Variants in ZNF385D observed in about 807,000 individuals in gnomAD.
ZNF385D encodes zinc finger protein 385D, also known as zinc finger protein 659.
In ZNF385D, 15 loss-of-function variants were observed where a neutral mutation model predicts 35.8. That is an observed-to-expected ratio of 0.42 (90% confidence interval 0.28 to 0.64). ZNF385D has a LOEUF of 0.64. ZNF385D is among the 30% of genes least tolerant of loss of function. The pLI, the probability that ZNF385D is intolerant of heterozygous loss-of-function variation, is 0.23. For synonymous variants in ZNF385D, 212 were observed against 186.8 expected, an observed-to-expected ratio of 1.13 and a Z score of -1.10; for missense variants, 474 against 494.6, an observed-to-expected ratio of 0.96 and a Z score of 0.39.
chr3:22,073,808 A>T (rs1700339651), intron 3 of ZNF385D, among the ~76,000 whole-genome samples: 1 of 151,928 alleles, frequency 6.6e-6, no homozygotes, highest in Non-Finnish European at 1.5e-5. Flanking sequence ...TTAGAATTTT[A>T]AAAAATACAG....
chr3:22,089,165 C>T (rs1181378855), intron 3 of ZNF385D, among the ~76,000 whole-genome samples: 1 of 152,096 alleles, frequency 6.6e-6, no homozygotes, highest in African/African-American at 2.4e-5. Flanking sequence ...GAAGGCATGG[C>T]AGATATGCTT....
intron 1 of ZNF385D, among the ~76,000 whole-genome samples, chr3:21,733,732 G>C (rs995457647): frequency 2.6e-5 from 4 of 151,928 alleles, no homozygotes; most frequent in African/African-American, 9.7e-5. Flanking sequence ...TTTTATGTTT[G>C]AATCTTTGTT....
intron 3 of ZNF385D, among the ~76,000 whole-genome samples, chr3:22,085,861 C>T (rs1188097991): frequency 2.6e-5 from 4 of 152,186 alleles, no homozygotes; most frequent in Non-Finnish European, 5.9e-5. Context: ...CCACCATGAT[C>T]AAGTCAGCTT....
intron 4 of ZNF385D, 36 bp downstream of exon 4, chr3:21,510,825 C>G: frequency 6.2e-7 from 1 of 1,609,360 alleles, no homozygotes; most frequent in Non-Finnish European, 8.5e-7. Flanking sequence ...CCAACGACGA[C>G]GACGAGGACA....
chr3:21,804,420 G>GA (rs1284404472), intron 3 of ZNF385D, among the ~76,000 whole-genome samples: 3 of 152,148 alleles, frequency 2.0e-5, no homozygotes, highest in African/African-American at 7.2e-5. Flanking sequence ...TTAATCACGT[G>GA]AAAAATTGAG....
rs1225943644 is a variant in ZNF385D, at chr3:21,418,617, T to C, written c.*2597A>G. ...GATTCGTTTGTTCCCAGCAAATCAT[T>C]AAAGACAGTAATGCCTTGTGACCCA... On this transcript the variant is annotated 3_prime_UTR_variant, in exon 8 of 8. Transcript: ENST00000281523. The C allele has an allele frequency of 1.3e-5, 2 of 152,198 alleles. No individual in the cohort carries two copies. Among genetic ancestry groups the C allele is most frequent in the African/African-American group, 4.8e-5 (2 of 41,456 alleles). 9.4% of individuals were successfully genotyped at this position (152,198 alleles called of 1,614,324 possible). A position where few individuals can be genotyped will look rare whatever the true frequency, so the allele number is the denominator to read the frequency against.
rs115573643 is a variant in ZNF385D at position 21,710,620 on chromosome 3, A to G, written c.22+40275T>C. The stretch of plus-strand genomic sequence containing the variant: ...TCAGCTTTGATGCTCAGTTGTTTTT[A>G]CTTATACTCATGCATGTTTGGGACA... On this transcript the variant is annotated intron_variant, in intron 1 of 7. Transcript: ENST00000281523. Among the ~76,000 whole-genome samples, 1,450 of 152,280 alleles carry G rather than the reference A, an allele frequency of 9.5e-3. 31 individuals carry two copies. The highest frequency in any genetic ancestry group is 0.033 in the African/African-American group (1,369 of 41,542).
chr3:22,331,519 TA>T (rs1469561048), intron 2 of ZNF385D, among the ~76,000 whole-genome samples: 2 of 152,192 alleles, frequency 1.3e-5, no homozygotes, highest in Non-Finnish European at 2.9e-5. Context: ...CGCATACTCG[TA>T]AAACACTGCA....
At chr3:22,189,565 G>A (rs1407010884) in intron 2 of ZNF385D, among the ~76,000 whole-genome samples, 1 of 152,076 alleles carries the variant, frequency 6.6e-6, no homozygotes, top group Non-Finnish European at 1.5e-5. Context: ...AAAAAGGAAG[G>A]TTCAATATTA....
At position 21,910,084 on chromosome 3, in the gene ZNF385D, T is replaced by TACACACACACACACACACACACAC. The variant is rs112815077; in HGVS notation, c.326-245057_326-245056insGTGTGTGTGTGTGTGTGTGTGTGT. Among the ~76,000 whole-genome samples, 772 of 149,310 alleles carry TACACACACACACACACACACACAC rather than the reference T, an allele frequency of 5.2e-3. 6 individuals are homozygous for TACACACACACACACACACACACAC. Among genetic ancestry groups the TACACACACACACACACACACACAC allele is most frequent in the South Asian group, 0.012 (58 of 4,668 alleles). ...TTAGCTGTGGGTTAAACATATATTT[T>TACACACACACACACACACACACAC]ACACACACACACACACACACACAGA... is the stretch of plus-strand genomic sequence containing the variant. On this transcript the variant is annotated intron_variant, in intron 3 of 5. Coordinates refer to the ZNF385D transcript ENST00000494108.
intron 2 of ZNF385D, among the ~76,000 whole-genome samples, chr3:21,603,661 C>T (rs2064387606): frequency 6.6e-6 from 1 of 151,858 alleles, no homozygotes; most frequent in Admixed American, 6.6e-5. Context: ...TTTGTATGCC[C>T]TTATATACAT....
chr3:22,043,165 A>C (rs1208425075), intron 3 of ZNF385D, among the ~76,000 whole-genome samples: 1 of 152,188 alleles, frequency 6.6e-6, no homozygotes, highest in Non-Finnish European at 1.5e-5. Context: ...ATTTATCCCT[A>C]ATGTTAAGAA....
intron 2 of ZNF385D, among the ~76,000 whole-genome samples, chr3:22,236,525 C>T (rs891728389): frequency 1.3e-5 from 2 of 152,040 alleles, no homozygotes; most frequent in East Asian, 1.9e-4. Flanking sequence ...CAGTATTATG[C>T]CTGTCTAAAT....
At chr3:21,772,363 ACTC>A (rs2071113116) in intron 3 of ZNF385D, among the ~76,000 whole-genome samples, 1 of 147,338 alleles carries the variant, frequency 6.8e-6, no homozygotes, top group Non-Finnish European at 1.5e-5. Flanking sequence ...TATAGAGAGA[ACTC>A]CTAAAACTTA....
chr3:21,521,206 A>G (rs903432239), intron 3 of ZNF385D, among the ~76,000 whole-genome samples: 1 of 152,228 alleles, frequency 6.6e-6, no homozygotes, highest in African/African-American at 2.4e-5. Context: ...ATGTTTTGCC[A>G]GTGTTAGAAT....
At chr3:21,995,249 G>T (rs1386143762) in intron 3 of ZNF385D, among the ~76,000 whole-genome samples, 6 of 152,318 alleles carry the variant, frequency 3.9e-5, no homozygotes, top group East Asian at 3.9e-4. Flanking sequence ...TTGTGTCAGG[G>T]TGGCCAAGAA....
intron 4 of ZNF385D, among the ~76,000 whole-genome samples, chr3:21,458,814 TG>T (rs1553586461): frequency 5.5e-5 from 3 of 54,196 alleles, no homozygotes; most frequent in African/African-American, 1.7e-4. Flanking sequence ...TAATGCGGGG[TG>T]GGGGGGCGGG....
chr3:22,023,563 T>A (rs551017905), intron 3 of ZNF385D, among the ~76,000 whole-genome samples: 8 of 152,226 alleles, frequency 5.3e-5, no homozygotes, highest in African/African-American at 1.9e-4. Flanking sequence ...CACATTTAGA[T>A]AAATTACAAA....
Position 22,117,093 on chromosome 3 carries a change from C to A in ZNF385D, c.325+51724G>T, listed in dbSNP as rs1702851287. ...ACCCCAAATTCAGGCTTTGAGATGC[C>A]AGGCTTTAGGAGTTCCCACTGGTGA... is the stretch of plus-strand genomic sequence containing the variant. On this transcript the variant is annotated intron_variant, in intron 3 of 5. Transcript: ENST00000494108. 3.9e-5 allele frequency among the ~76,000 whole-genome samples: 6 copies of A among 152,084 alleles called. No homozygotes were observed. The South Asian group carries it at 1.2e-3, about 32-fold the overall frequency.
Sources: gnomAD v4.1 joint callset for allele counts (sites outside exome capture counted in the v4.1 genomes callset) on GRCh38, gnomAD v4.1.1 for gene constraint, MANE v1.5 for transcripts, NCBI Gene and HGNC (gene_info 2026-07-23, HGNC 2026-07-21) for gene names.